Variants in CEP112 observed in about 807,000 individuals in gnomAD.
The protein encoded by CEP112 is centrosomal protein 112.
CEP112 carries 127 observed loss-of-function variants against 153.0 expected under a neutral mutation model. The ratio of observed to expected loss-of-function variants is 0.83; its 90% CI spans 0.72 to 0.96. CEP112 has a LOEUF of 0.96. CEP112 is among the 40% of genes least tolerant of loss of function. CEP112 has a pLI of 0.00. For missense variants in CEP112, 1,089 were observed against 1,101.2 expected, an observed-to-expected ratio of 0.99 and a Z score of 0.16; for synonymous variants, 358 against 374.4, an observed-to-expected ratio of 0.96 and a Z score of 0.51.
At chr17:65,941,727 C>A (rs1221983405) in intron 18 of CEP112, among the ~76,000 whole-genome samples, 15 of 152,026 alleles carry the variant, frequency 9.9e-5, no homozygotes, top group Non-Finnish European at 1.9e-4. Flanking sequence ...GAGTACATTT[C>A]TGTGGCTGTT....
At chr17:65,931,514 A>C (rs2061122507) in intron 18 of CEP112, among the ~76,000 whole-genome samples, 1 of 152,208 alleles carries the variant, frequency 6.6e-6, no homozygotes, top group African/African-American at 2.4e-5. Context: ...GCCTCGCCTT[A>C]AAAGGAACAT....
chr17:66,132,637 C>T, intron 5 of CEP112, 33 bp downstream of exon 5: 1 of 1,485,832 alleles, frequency 6.7e-7, no homozygotes, highest in Non-Finnish European at 9.4e-7. Flanking sequence ...AAACAACAAG[C>T]AAAAACCAAA....
At chr17:65,792,276 T>G (rs1314443731) in intron 21 of CEP112, among the ~76,000 whole-genome samples, 2 of 152,212 alleles carry the variant, frequency 1.3e-5, no homozygotes, top group Non-Finnish European at 2.9e-5. Context: ...AAAAACCTTC[T>G]GGCACCAAAA....
At chr17:66,018,140 T>C (rs1401394851) in intron 16 of CEP112, among the ~76,000 whole-genome samples, 1 of 152,214 alleles carries the variant, frequency 6.6e-6, no homozygotes, top group Non-Finnish European at 1.5e-5. Context: ...TGTAATCCTT[T>C]CCCCACTTTA....
Position 66,038,888 on chromosome 17 carries a change from G to T in CEP112, c.1219-8865C>A, listed in dbSNP as rs2065855347. 3.3e-5 allele frequency among the ~76,000 whole-genome samples: 5 copies of T among 152,176 alleles called. No homozygotes were observed. The South Asian group carries it at 1.0e-3, about 32-fold the overall frequency. On this transcript the variant is annotated intron_variant, in intron 12 of 26. Transcript: ENST00000535342. ...AATGCATCTATTGGCTATGGAGTAA[G>T]AGGAGACAGGGAAGAGTAATTGGCA...
chr17:66,094,084 G>C (rs1473275017), intron 8 of CEP112, among the ~76,000 whole-genome samples: 1 of 151,908 alleles, frequency 6.6e-6, no homozygotes, highest in Non-Finnish European at 1.5e-5. Flanking sequence ...TTTTGAGATG[G>C]AGTCTTGCTC....
rs141690885 is a variant in CEP112, at chr17:65,883,657, G to A, written c.2163+18495C>T. 3.6e-3 allele frequency among the ~76,000 whole-genome samples: 552 copies of A among 152,254 alleles called. 3 individuals are homozygous for A. Among genetic ancestry groups the A allele is most frequent in the African/African-American group, 0.012 (518 of 41,544 alleles). ...GTTGGGATTACAGGCGTGAGCCACC[G>A]TGCCCAGCCAGAAGTTTATATTTTA... On this transcript the variant is annotated intron_variant, in intron 20 of 26. Transcript: ENST00000535342.
intron 1 of CEP112, among the ~76,000 whole-genome samples, chr17:66,186,313 G>A (rs772013104): frequency 2.0e-5 from 3 of 151,592 alleles, no homozygotes; most frequent in South Asian, 4.2e-4. Context: ...TATTTCTTTC[G>A]TTTTTTGAGA....
chr17:66,135,838 TATATAG>T (rs3031740), intron 4 of CEP112, among the ~76,000 whole-genome samples: 27,435 of 151,612 alleles, frequency 0.18, 2,632 homozygotes, highest in Non-Finnish European at 0.22. Flanking sequence ...AATGATACTA[TATATAG>T]ATATAGATAT....
intron 18 of CEP112, among the ~76,000 whole-genome samples, chr17:65,961,086 T>A (rs980825306): frequency 1.3e-5 from 2 of 151,322 alleles, no homozygotes; most frequent in Non-Finnish European, 2.9e-5. Context: ...TTGAAAATAA[T>A]TTGCTGTAGC....
rs74821779 is a variant in CEP112 at position 66,047,965 on chromosome 17, C to T, written c.1218+5771G>A. Among the ~76,000 whole-genome samples, 343 of 152,240 alleles carry T rather than the reference C, an allele frequency of 2.3e-3. 1 individual carries two copies. Among genetic ancestry groups the T allele is most frequent in the African/African-American group, 8.0e-3 (333 of 41,532 alleles). ...TCAAATGACATAGTACTTGCATATA[C>T]CCTATACACCCCCTGCTGTATATTT... is the stretch of plus-strand genomic sequence containing the variant. On this transcript the variant is annotated intron_variant, in intron 12 of 26. Coordinates refer to ENST00000535342, the MANE Select transcript of CEP112 (RefSeq NM_001199165.4).
In CEP112 at chr17:66,032,516, G is replaced by A. The variant is rs967896127; in HGVS notation, c.1219-2493C>T. Among the ~76,000 whole-genome samples, 21 of 152,262 alleles carry A rather than the reference G, an allele frequency of 1.4e-4. 1 individual carries two copies. Among genetic ancestry groups the A allele is most frequent in the Middle Eastern group, 3.4e-3 (1 of 294 alleles). On this transcript the variant is annotated intron_variant, in intron 12 of 26. Transcript: ENST00000535342. ...GGACTACCACTAGGAGCGAAAGTTA[G>A]TCAAAAGTAGACCAAAGATTACCAA...
intron 21 of CEP112, among the ~76,000 whole-genome samples, chr17:65,763,901 G>GTATT (rs2052767687): frequency 1.3e-5 from 2 of 151,886 alleles, no homozygotes; most frequent in Admixed American, 6.6e-5. Flanking sequence ...TGGACATGAT[G>GTATT]TATTGGGTAT....
At chr17:65,647,170 C>A (rs1205436838) in intron 24 of CEP112, among the ~76,000 whole-genome samples, 1 of 85,168 alleles carries the variant, frequency 1.2e-5, no homozygotes, top group Non-Finnish European at 2.1e-5. Flanking sequence ...ACTCTTGATT[C>A]TTGTTTTTTT....
intron 22 of CEP112, among the ~76,000 whole-genome samples, chr17:65,747,344 C>T (rs1211491810): frequency 6.6e-6 from 1 of 152,146 alleles, no homozygotes; most frequent in African/African-American, 2.4e-5. Context: ...TTCCCAGGTA[C>T]TAATATGCAT....
chr17:66,060,755 G>A (rs569542619), intron 11 of CEP112, among the ~76,000 whole-genome samples: 7 of 152,042 alleles, frequency 4.6e-5, no homozygotes, highest in South Asian at 2.1e-4. Context: ...AAAAATCGAC[G>A]CAAAATGAAT....
At chr17:65,667,875 C>T (rs1323531814) in intron 24 of CEP112, among the ~76,000 whole-genome samples, 6 of 149,856 alleles carry the variant, frequency 4.0e-5, no homozygotes, top group African/African-American at 9.9e-5. Context: ...GGGAGGCCGA[C>T]GACTGCGCCA....
chr17:65,960,266 G>T (rs975344438), intron 18 of CEP112, among the ~76,000 whole-genome samples: 1 of 151,924 alleles, frequency 6.6e-6, no homozygotes, highest in African/African-American at 2.4e-5. Flanking sequence ...AAAACAGCAT[G>T]GTTAGCACAC....
intron 17 of CEP112, among the ~76,000 whole-genome samples, chr17:65,998,607 T>C (rs920381677): frequency 4.6e-5 from 7 of 151,872 alleles, no homozygotes; most frequent in African/African-American, 2.4e-5. Flanking sequence ...TTCATATGAT[T>C]TTATAAGGCA....
Sources: allele counts gnomAD v4.1 joint callset (sites outside exome capture counted in the v4.1 genomes callset), GRCh38; gene constraint gnomAD v4.1.1; transcripts MANE v1.5; gene names NCBI Gene and HGNC (gene_info 2026-07-23, HGNC 2026-07-21).